The following EYS variants were observed in gnomAD, a reference collection of about 807,000 sequenced individuals.
The protein encoded by EYS is EGF-like photoreceptor maintenance factor, also known as protein eyes shut homolog.
Under a neutral mutation model 282.1 loss-of-function variants are expected in EYS, and 250 were observed. That is an observed-to-expected ratio of 0.89 (90% CI 0.80 to 0.98). The LOEUF (loss-of-function observed/expected upper bound fraction) is 0.98, where lower values mean the gene tolerates loss of function less well. Ranked by LOEUF, EYS falls within the 50% of genes least tolerant of loss-of-function variation. EYS has a pLI of 0.00. For missense variants in EYS, 4,016 were observed against 3,709.0 expected, an observed-to-expected ratio of 1.08 and a Z score of -2.15; for synonymous variants, 1,355 against 1,282.9, an observed-to-expected ratio of 1.06 and a Z score of -1.20.
intron 26 of EYS, among the ~76,000 whole-genome samples, chr6:64,564,561 G>A (rs1765502344): frequency 6.6e-6 from 1 of 151,968 alleles, no homozygotes; most frequent in African/African-American, 2.4e-5. Context: ...GATTACAGGC[G>A]TGAGCCACCA....
At chr6:65,049,659 T>C (rs948000373) in intron 13 of EYS, among the ~76,000 whole-genome samples, 3 of 151,778 alleles carry the variant, frequency 2.0e-5, no homozygotes, top group African/African-American at 7.2e-5. Flanking sequence ...TTTCAAAGCT[T>C]TCAGACCATT....
At position 63,842,341 on chromosome 6, in the gene EYS, T is replaced by C. The variant is rs141106505; in HGVS notation, c.7228+21845A>G. On this transcript the variant is annotated intron_variant, in intron 36 of 42. Coordinates refer to ENST00000503581, the MANE Select transcript of EYS (RefSeq NM_001142800.2). ...ATGGTGTCTCATTGTGGTTTTGATT[T>C]GCATTTCTCTAATGACCAGTGATGA... Among the ~76,000 whole-genome samples, 651 of 152,366 alleles carry C rather than the reference T, an allele frequency of 4.3e-3. 4 individuals are homozygous for C. Among genetic ancestry groups the C allele is most frequent in the Non-Finnish European group, 7.2e-3 (489 of 68,028 alleles).
At chr6:63,873,239 G>A (rs1248353395) in intron 35 of EYS, among the ~76,000 whole-genome samples, 1 of 150,126 alleles carries the variant, frequency 6.7e-6, no homozygotes, top group Non-Finnish European at 1.5e-5. Flanking sequence ...ACCTATGAGT[G>A]AGAACATGAG....
At chr6:64,008,652 C>A (rs1768463060) in intron 33 of EYS, among the ~76,000 whole-genome samples, 2 of 152,266 alleles carry the variant, frequency 1.3e-5, no homozygotes, top group African/African-American at 2.4e-5. Context: ...TCTTGCAATG[C>A]ATGTCTGGTG....
chr6:64,572,270 G>C (rs546199890), intron 26 of EYS, among the ~76,000 whole-genome samples: 2 of 152,116 alleles, frequency 1.3e-5, no homozygotes, highest in Non-Finnish European at 2.9e-5. Flanking sequence ...TTGATGGAAC[G>C]TATCTCAAAA....
chr6:65,460,642 C>T (rs1502989), intron 5 of EYS, among the ~76,000 whole-genome samples: 28,410 of 151,974 alleles, frequency 0.19, 3,291 homozygotes, highest in Middle Eastern at 0.3. Flanking sequence ...GTTTACTCAG[C>T]CTTCCTTTGG....
chr6:64,877,945 A>G (rs1019498044), intron 19 of EYS, among the ~76,000 whole-genome samples: 1 of 152,182 alleles, frequency 6.6e-6, no homozygotes, highest in Non-Finnish European at 1.5e-5. Flanking sequence ...CCTTAACAAT[A>G]AATGAGGCTG....
intron 29 of EYS, among the ~76,000 whole-genome samples, chr6:64,333,950 G>T (rs1770741322): frequency 6.6e-6 from 1 of 152,258 alleles, no homozygotes; most frequent in East Asian, 1.9e-4. Context: ...ATTTTACCTT[G>T]CCCGAATTTG....
chr6:64,672,032 G>A (rs1018394344), intron 22 of EYS, among the ~76,000 whole-genome samples: 1 of 151,876 alleles, frequency 6.6e-6, no homozygotes, highest in African/African-American at 2.4e-5. Context: ...AATGAATATG[G>A]CATTTTATTA....
chr6:65,655,313 T>C (rs933371755), intron 1 of EYS, among the ~76,000 whole-genome samples: 1 of 151,650 alleles, frequency 6.6e-6, no homozygotes, highest in Non-Finnish European at 1.5e-5. Flanking sequence ...CTAAAGAATA[T>C]AGTATGAAAA....
At chr6:65,288,699 C>T in intron 12 of EYS, among the ~76,000 whole-genome samples, 1 of 150,900 alleles carries the variant, frequency 6.6e-6, no homozygotes, top group East Asian at 1.9e-4. Context: ...TAAAATAGTA[C>T]AATGTGAGTA....
chr6:65,393,844 A>G (rs1332825009), intron 7 of EYS, among the ~76,000 whole-genome samples: 1 of 151,972 alleles, frequency 6.6e-6, no homozygotes, highest in African/African-American at 2.4e-5. Context: ...GTAGAAAACA[A>G]AAAAAAACAC....
Position 65,428,096 on chromosome 6 carries a change from T to C in EYS, c.863-22729A>G, listed in dbSNP as rs1166960610. 2.6e-5 allele frequency among the ~76,000 whole-genome samples: 4 copies of C among 152,108 alleles called. No homozygotes were observed. The South Asian group carries it at 8.3e-4, about 31-fold the overall frequency. ...TTGGAATGATATCAACTACTGCTGG[T>C]GAGAGTGATGTACAATGGCCTCTTT... On this transcript the variant is annotated intron_variant, in intron 5 of 42. Transcript: ENST00000503581.
chr6:64,890,535 A>T (rs990471393), intron 18 of EYS, among the ~76,000 whole-genome samples: 7 of 152,050 alleles, frequency 4.6e-5, no homozygotes, highest in African/African-American at 1.7e-4. Flanking sequence ...AAAAGAACCT[A>T]CGTGAATATC....
At chr6:64,853,876 C>G (rs1300516827) in intron 19 of EYS, among the ~76,000 whole-genome samples, 2 of 151,970 alleles carry the variant, frequency 1.3e-5, no homozygotes, top group Non-Finnish European at 1.5e-5. Context: ...TATCCAGAAT[C>G]TACAAAGAAC....
chr6:64,129,773 G>C (rs909711586), intron 31 of EYS, among the ~76,000 whole-genome samples: 3 of 152,090 alleles, frequency 2.0e-5, no homozygotes, highest in Non-Finnish European at 4.4e-5. Context: ...GGTCTAACAT[G>C]TAAGTCTTTA....
At chr6:64,032,068 C>T (rs578047562) in intron 33 of EYS, among the ~76,000 whole-genome samples, 1 of 152,120 alleles carries the variant, frequency 6.6e-6, no homozygotes, top group East Asian at 1.9e-4. Context: ...CTGAAGCCAG[C>T]GAGACCACGA....
intron 5 of EYS, among the ~76,000 whole-genome samples, chr6:65,467,210 G>T (rs1238106213): frequency 1.3e-5 from 2 of 152,062 alleles, no homozygotes; most frequent in Admixed American, 1.3e-4. Flanking sequence ...TATCAATGTA[G>T]GGGCCAATAT....
At chr6:65,489,771 T>C (rs2127265467) in intron 5 of EYS, 1 of 152,218 alleles carries the variant, frequency 6.6e-6, no homozygotes, top group African/African-American at 2.4e-5. Context: ...GTGGCACATA[T>C]ACACCATGGA....
Sources: allele counts gnomAD v4.1 joint callset (sites outside exome capture counted in the v4.1 genomes callset), GRCh38; gene constraint gnomAD v4.1.1; transcripts MANE v1.5; gene names NCBI Gene and HGNC (gene_info 2026-07-23, HGNC 2026-07-21).